The following KCNJ3 variants were observed in gnomAD, a reference collection of about 807,000 sequenced individuals.
KCNJ3 encodes the protein G protein-activated inward rectifier potassium channel 1.
In KCNJ3, 4 loss-of-function variants were observed where a neutral mutation model predicts 39.2. The ratio of observed to expected loss-of-function variants is 0.10; its 90% CI spans 0.05 to 0.23. The LOEUF is 0.23. Ranked by LOEUF, KCNJ3 falls within the 10% of genes least tolerant of loss-of-function variation. The probability of loss-of-function intolerance (pLI) is 1.00; values close to 1 mark genes in which losing one functional copy is unlikely to be tolerated. For missense variants in KCNJ3, 276 were observed against 634.9 expected (o/e 0.43, Z 6.08); for synonymous variants, 230 against 237.4 (o/e 0.97, Z 0.29).
chr2:154,728,057 T>G (rs1189701891), intron 2 of KCNJ3, among the ~76,000 whole-genome samples: 3 of 151,982 alleles, frequency 2.0e-5, no homozygotes, highest in African/African-American at 4.8e-5. Context: ...GAAAATAACT[T>G]AAATATTATT....
chr2:154,744,320 T>C (rs1685702162), intron 2 of KCNJ3, among the ~76,000 whole-genome samples: 2 of 151,858 alleles, frequency 1.3e-5, no homozygotes, highest in African/African-American at 4.8e-5. Context: ...ACTGATTGTG[T>C]CTGCTTTTGG....
At chr2:154,835,331 AATT>A (rs990914145) in intron 2 of KCNJ3, among the ~76,000 whole-genome samples, 4 of 141,892 alleles carry the variant, frequency 2.8e-5, no homozygotes, top group Non-Finnish European at 4.6e-5. Flanking sequence ...TACGACAATA[AATT>A]ATTTTCTTTT....
intron 2 of KCNJ3, among the ~76,000 whole-genome samples, chr2:154,712,632 C>G (rs746215441): frequency 6.6e-6 from 1 of 151,958 alleles, no homozygotes; most frequent in Admixed American, 6.6e-5. Flanking sequence ...GGGTTATATT[C>G]TAAGGAGGTG....
At chr2:154,788,965 A>G (rs1686582331) in intron 2 of KCNJ3, among the ~76,000 whole-genome samples, 1 of 152,100 alleles carries the variant, frequency 6.6e-6, no homozygotes, top group African/African-American at 2.4e-5. Context: ...TTCTTGATTC[A>G]GAGTGGTTTA....
intron 2 of KCNJ3, among the ~76,000 whole-genome samples, chr2:154,756,522 AC>A (rs1685939328): frequency 6.7e-6 from 1 of 149,534 alleles, no homozygotes; most frequent in South Asian, 2.2e-4. Flanking sequence ...CCTCCCCTAG[AC>A]CCCCACCCCC....
intron 2 of KCNJ3, among the ~76,000 whole-genome samples, chr2:154,798,354 G>A (rs1199669699): frequency 1.3e-5 from 2 of 152,058 alleles, no homozygotes; most frequent in African/African-American, 4.8e-5. Flanking sequence ...CCAAATACAT[G>A]TAAAATTGAG....
intron 2 of KCNJ3, among the ~76,000 whole-genome samples, chr2:154,787,298 G>T (rs1355041194): frequency 6.6e-6 from 1 of 151,850 alleles, no homozygotes; most frequent in Non-Finnish European, 1.5e-5. Context: ...TCTTAGCATT[G>T]TCTTGAAAAA....
intron 2 of KCNJ3, among the ~76,000 whole-genome samples, chr2:154,730,935 A>G (rs1685438817): frequency 6.6e-6 from 1 of 152,166 alleles, no homozygotes; most frequent in Non-Finnish European, 1.5e-5. Flanking sequence ...ACATTTAAAA[A>G]GTAATTTAGC....
intron 2 of KCNJ3, among the ~76,000 whole-genome samples, chr2:154,750,622 G>A (rs190462822): frequency 6.6e-6 from 1 of 151,988 alleles, no homozygotes; most frequent in Admixed American, 6.6e-5. Flanking sequence ...AAACCTTACA[G>A]TATTGATTTA....
At chr2:154,722,330 G>A (rs915096401) in intron 2 of KCNJ3, among the ~76,000 whole-genome samples, 2 of 152,160 alleles carry the variant, frequency 1.3e-5, no homozygotes, top group African/African-American at 4.8e-5. Flanking sequence ...AGGCAGTGAT[G>A]AGTAGTGTAA....
intron 2 of KCNJ3, among the ~76,000 whole-genome samples, chr2:154,764,709 A>T (rs996604080): frequency 9.2e-5 from 14 of 152,208 alleles, no homozygotes; most frequent in Non-Finnish European, 1.5e-5. Flanking sequence ...CTAATTAAAA[A>T]AAAAGATCTG....
chr2:154,844,878 A>G (rs1349116866), intron 2 of KCNJ3, among the ~76,000 whole-genome samples: 1 of 152,124 alleles, frequency 6.6e-6, no homozygotes, highest in Non-Finnish European at 1.5e-5. Flanking sequence ...AGGAAAGGGA[A>G]ATCCCCAGAC....
At position 154,698,894 on chromosome 2, in the gene KCNJ3, A is replaced by G. The variant is rs16838016; in HGVS notation, c.119A>G (p.Lys40Arg). The G allele has an allele frequency of 7.5e-3, 12,151 of 1,614,186 alleles. 60 individuals carry two copies. Among genetic ancestry groups the G allele is most frequent in the Non-Finnish European group, 8.6e-3 (10,125 of 1,180,048 alleles). Residue 40 changes from lysine (K) to arginine (R), a missense_variant, in exon 1 of 3, where the codon AAG (lysine) becomes AGG (arginine). By Grantham distance (26) the Lys-to-Arg change is conservative. Coordinates refer to ENST00000295101, the MANE Select transcript of KCNJ3 (RefSeq NM_002239.4). ...GACCCTCAGCAGCAGCTTGTGCCCA[A>G]GAAGAAGCGGCAGCGGTTCGTGGAC... The part of the protein sequence containing the change: ...GQDPQQQLVP[K>R]KKRQRFVDKN...
intron 2 of KCNJ3, among the ~76,000 whole-genome samples, chr2:154,842,608 A>G (rs572692404): frequency 3.9e-5 from 6 of 152,146 alleles, no homozygotes; most frequent in East Asian, 1.9e-4. Flanking sequence ...GACTTGCTTT[A>G]TGAATCTGAG....
chr2:154,725,765 C>G lies in KCNJ3; in HGVS notation c.919+15946C>G, dbSNP rs868844476. Among the ~76,000 whole-genome samples, 29 of 152,104 alleles carry G rather than the reference C, an allele frequency of 1.9e-4. 1 individual carries two copies. In the South Asian group the frequency reaches 5.8e-3, roughly 30 times the overall value. On this transcript the variant is annotated intron_variant, in intron 2 of 2. Transcript: ENST00000295101. ...TTGGTATAAAAATAGGCACATAGAC[C>G]AATGGAACAGAATAGAGAACCCTGA... is the stretch of plus-strand genomic sequence containing the variant.
rs564731155 is a variant in KCNJ3, at chr2:154,825,066, C to T, written c.920-29661C>T. ...CCCCTTCCTTTTTAATAGTCTGTGCCTTGTTTATAACTTTTGTTTTCTTTA... is the reference window on the plus strand; with the variant it reads ...CCCCTTCCTTTTTAATAGTCTGTGCTTTGTTTATAACTTTTGTTTTCTTTA... On this transcript the variant is annotated intron_variant, in intron 2 of 2. Coordinates refer to ENST00000295101, the MANE Select transcript of KCNJ3 (RefSeq NM_002239.4). Among the ~76,000 whole-genome samples the T allele has an allele frequency of 3.9e-5, 6 of 152,216 alleles. No individual in the cohort carries two copies. In the South Asian group the frequency reaches 8.3e-4, roughly 21 times the overall value.
At position 154,699,210 on chromosome 2, in the gene KCNJ3, C is replaced by G. The variant is rs766275684; in HGVS notation, c.435C>G (p.Gly145=). ...TCATCGAGACGGAGGCCACCATCGGCTATGGCTACCGATACATCACAGACA... is the reference window on the plus strand; with the variant it reads ...TCATCGAGACGGAGGCCACCATCGGGTATGGCTACCGATACATCACAGACA... The part of the protein sequence containing the change: ...LFFIETEATI[G]YGYRYITDKC... The change falls in exon 1 of 3, where the codon GGC becomes GGG. Residue 145 remains glycine (G), a synonymous_variant. Transcript: ENST00000295101. The surrounding 1 kb of genome is among the most constrained non-coding windows in gnomAD (Gnocchi z 6.4). The G allele has an allele frequency of 3.1e-6, 5 of 1,614,090 alleles. No homozygotes were observed. The highest frequency in any genetic ancestry group is 3.4e-6 in the Non-Finnish European group (4 of 1,180,048).
At chr2:154,720,685 A>G (rs977352227) in intron 2 of KCNJ3, among the ~76,000 whole-genome samples, 2 of 152,060 alleles carry the variant, frequency 1.3e-5, no homozygotes, top group African/African-American at 4.8e-5. Context: ...TCCCAAACAC[A>G]CATGAATATG....
chr2:154,710,303 T>C (rs923159521), intron 2 of KCNJ3, among the ~76,000 whole-genome samples: 1 of 152,158 alleles, frequency 6.6e-6, no homozygotes, highest in African/African-American at 2.4e-5. Flanking sequence ...GTGCTGTGTG[T>C]GCTAAAGCAG....
Sources: allele counts gnomAD v4.1 joint callset (sites outside exome capture counted in the v4.1 genomes callset), GRCh38; gene constraint gnomAD v4.1.1; non-coding constraint Gnocchi (gnomAD v3.1); transcripts MANE v1.5; gene names NCBI Gene and HGNC (gene_info 2026-07-23, HGNC 2026-07-21).